The following DIP2C variants were observed in gnomAD, a reference collection of about 807,000 sequenced individuals.
The protein encoded by DIP2C is disco-interacting protein 2 homolog C.
Under a neutral mutation model 192.4 loss-of-function variants are expected in DIP2C, and 33 were observed. That is an observed-to-expected ratio of 0.17 (90% CI 0.13 to 0.23). The LOEUF is 0.23. Among genes scored for constraint, DIP2C ranks in the 10% least tolerant of loss-of-function variants. The pLI, the probability that DIP2C is intolerant of heterozygous loss-of-function variation, is 1.00. For synonymous variants in DIP2C, 979 were observed against 864.1 expected, an observed-to-expected ratio of 1.13 and a Z score of -2.33; for missense variants, 1,537 against 2,110.1, an observed-to-expected ratio of 0.73 and a Z score of 5.32.
chr10:370,891 G>A (rs1005279590), intron 17 of DIP2C, among the ~76,000 whole-genome samples: 1 of 152,166 alleles, frequency 6.6e-6, no homozygotes, highest in African/African-American at 2.4e-5. Context: ...TTTGAATGAA[G>A]TAACTGGTGT....
intron 1 of DIP2C, among the ~76,000 whole-genome samples, chr10:532,133 T>TC (rs1363858137): frequency 1.3e-5 from 2 of 152,074 alleles, no homozygotes; most frequent in Non-Finnish European, 2.9e-5. Flanking sequence ...CCCAGGCCAG[T>TC]CCATCAGCCC....
chr10:457,326 T>C (rs1024578538), intron 3 of DIP2C, among the ~76,000 whole-genome samples: 13 of 152,228 alleles, frequency 8.5e-5, no homozygotes, highest in African/African-American at 3.1e-4. Flanking sequence ...CAAGATGTCT[T>C]CTGACTTAAT....
intron 1 of DIP2C, among the ~76,000 whole-genome samples, chr10:528,051 G>A (rs991964999): frequency 1.3e-5 from 2 of 152,176 alleles, no homozygotes; most frequent in Admixed American, 6.5e-5. Flanking sequence ...CCTTGGGAAT[G>A]TAGGGCAGGT....
intron 17 of DIP2C, among the ~76,000 whole-genome samples, chr10:381,152 T>C (rs964431214): frequency 6.6e-6 from 1 of 151,924 alleles, no homozygotes; most frequent in Admixed American, 6.5e-5. Context: ...TGAGATAGAG[T>C]TGCTGCCTAA....
chr10:508,805 G>A (rs925497547), intron 1 of DIP2C, among the ~76,000 whole-genome samples: 1 of 152,198 alleles, frequency 6.6e-6, no homozygotes, highest in Non-Finnish European at 1.5e-5. Flanking sequence ...GAGACTGGCT[G>A]GAGATGGGAA....
chr10:631,728 G>A (rs1394506134), intron 1 of DIP2C, among the ~76,000 whole-genome samples: 4 of 152,174 alleles, frequency 2.6e-5, no homozygotes, highest in Non-Finnish European at 4.4e-5. Context: ...ACTAAGACTG[G>A]AATGACACCT....
chr10:540,727 A>G (rs2130899277), intron 1 of DIP2C, among the ~76,000 whole-genome samples: 1 of 152,184 alleles, frequency 6.6e-6, no homozygotes, highest in South Asian at 2.1e-4. Context: ...AAAAAGACTA[A>G]CTGAGAAAAG....
chr10:405,879 G>C (rs1285274889), intron 9 of DIP2C, among the ~76,000 whole-genome samples: 1 of 152,102 alleles, frequency 6.6e-6, no homozygotes, highest in Non-Finnish European at 1.5e-5. Flanking sequence ...CACCTTCCAC[G>C]CTACTTCCTG....
At chr10:415,422 C>T (rs189631405) in intron 7 of DIP2C, among the ~76,000 whole-genome samples, 6 of 152,314 alleles carry the variant, frequency 3.9e-5, no homozygotes, top group Admixed American at 3.3e-4. Context: ...CAGCACTTCA[C>T]ACGCCAGTTT....
chr10:472,672 C>T (rs1223879573), intron 2 of DIP2C, 123 bp from the exon 3 acceptor site: 39 of 840,294 alleles, frequency 4.6e-5, no homozygotes, highest in Non-Finnish European at 6.8e-5. Flanking sequence ...CTGGGCATGG[C>T]GGCGCCTCAG....
At chr10:311,080 C>G (rs1201611294) in intron 31 of DIP2C, among the ~76,000 whole-genome samples, 5 of 151,982 alleles carry the variant, frequency 3.3e-5, no homozygotes, top group Admixed American at 3.3e-4. Flanking sequence ...AACCCTGGGC[C>G]CTGGTATCTC....
rs535336811 is a variant in DIP2C, at chr10:541,269, A to T, written c.86-54739T>A. On this transcript the variant is annotated intron_variant, in intron 1 of 36. Transcript: ENST00000280886. ...CTGAGGTGTCCTCTGTCACAGACAC[A>T]CACACCCTGCCGAGGACAGTGCACA... 5.9e-5 allele frequency among the ~76,000 whole-genome samples: 9 copies of T among 152,278 alleles called. No homozygotes were observed. The East Asian group carries it at 1.7e-3, about 29-fold the overall frequency.
At chr10:545,285 G>A (rs1410396617) in intron 1 of DIP2C, among the ~76,000 whole-genome samples, 1 of 146,860 alleles carries the variant, frequency 6.8e-6, no homozygotes, top group Non-Finnish European at 1.5e-5. Context: ...TCCTGCCTCA[G>A]CCTCCTGGGC....
At chr10:475,312 C>G (rs898658454) in intron 2 of DIP2C, among the ~76,000 whole-genome samples, 1 of 152,230 alleles carries the variant, frequency 6.6e-6, no homozygotes, top group African/African-American at 2.4e-5. Flanking sequence ...TCTAACTTCT[C>G]TTGTGCTGTG....
intron 1 of DIP2C, among the ~76,000 whole-genome samples, chr10:570,829 C>T (rs1040221234): frequency 2.0e-5 from 3 of 152,258 alleles, no homozygotes; most frequent in Admixed American, 6.5e-5. Flanking sequence ...TTTGAAGAAA[C>T]GCAGAGCATG....
At chr10:437,300 C>G (rs555933895) in intron 4 of DIP2C, among the ~76,000 whole-genome samples, 1 of 150,462 alleles carries the variant, frequency 6.6e-6, no homozygotes, top group African/African-American at 2.5e-5. Flanking sequence ...TATGCTCCAC[C>G]CACACCTGAG....
At chr10:540,588 T>TAGACCAAGTTTCAAGCTTGGGG (rs1847926146) in intron 1 of DIP2C, among the ~76,000 whole-genome samples, 2 of 152,216 alleles carry the variant, frequency 1.3e-5, no homozygotes, top group South Asian at 4.1e-4. Context: ...TAGTGTTTGG[T>TAGACCAAGTTTCAAGCTTGGGG]AGACCAAGTT....
chr10:377,031 T>C (rs1961684437), intron 17 of DIP2C, among the ~76,000 whole-genome samples: 1 of 152,182 alleles, frequency 6.6e-6, no homozygotes, highest in Non-Finnish European at 1.5e-5. Flanking sequence ...ATTCTTCCTT[T>C]TCTCTAACAG....
chr10:649,918 C>T, intron 1 of DIP2C: 1 of 584,726 alleles, frequency 1.7e-6, no homozygotes, highest in African/African-American at 1.9e-5. Flanking sequence ...ACCTGCGTCC[C>T]CGTGCGTCAC....
Sources: gnomAD v4.1 joint callset for allele counts (sites outside exome capture counted in the v4.1 genomes callset) on GRCh38, gnomAD v4.1.1 for gene constraint, MANE v1.5 for transcripts, NCBI Gene and HGNC (gene_info 2026-07-23, HGNC 2026-07-21) for gene names.